NRXN3: variants seen among roughly 807,000 people sequenced by gnomAD.
NRXN3 encodes neurexin III.
Under a neutral mutation model 137.6 loss-of-function variants are expected in NRXN3, and 32 were observed. The ratio of observed to expected loss-of-function variants is 0.23; its 90% CI spans 0.18 to 0.31. The LOEUF (loss-of-function observed/expected upper bound fraction) is 0.31, where lower values mean the gene tolerates loss of function less well. Ranked by LOEUF, NRXN3 falls within the 10% of genes least tolerant of loss-of-function variation. The pLI, the probability that NRXN3 is intolerant of heterozygous loss-of-function variation, is 1.00. For missense variants in NRXN3, 1,574 were observed against 2,062.5 expected, an observed-to-expected ratio of 0.76 and a Z score of 4.59; for synonymous variants, 798 against 784.5, an observed-to-expected ratio of 1.02 and a Z score of -0.29.
At chr14:79,184,606 G>A (rs1334013130) in intron 15 of NRXN3, among the ~76,000 whole-genome samples, 1 of 152,162 alleles carries the variant, frequency 6.6e-6, no homozygotes, top group Non-Finnish European at 1.5e-5. Flanking sequence ...GAGCTTTCTG[G>A]AGGATGATAA....
intron 19 of NRXN3, among the ~76,000 whole-genome samples, chr14:79,789,008 T>C (rs2099137598): frequency 6.6e-6 from 1 of 152,174 alleles, no homozygotes; most frequent in African/African-American, 2.4e-5. Flanking sequence ...TAATAGTCAG[T>C]ATGTGGAGGC....
chr14:78,926,926 TA>T (rs1386879282), intron 10 of NRXN3, among the ~76,000 whole-genome samples: 2 of 35,348 alleles, frequency 5.7e-5, no homozygotes, highest in Non-Finnish European at 8.2e-5. Flanking sequence ...ATATAATATA[TA>T]ATATATTTAT....
intron 14 of NRXN3, among the ~76,000 whole-genome samples, chr14:78,977,590 G>A (rs978178404): frequency 1.3e-5 from 2 of 152,142 alleles, no homozygotes; most frequent in Admixed American, 1.3e-4. Context: ...AAAATAGGGT[G>A]GGTTGAGGAA....
intron 15 of NRXN3, among the ~76,000 whole-genome samples, chr14:79,121,878 T>G (rs1226168650): frequency 6.6e-6 from 1 of 152,230 alleles, no homozygotes; most frequent in Non-Finnish European, 1.5e-5. Context: ...CTAAAATTCA[T>G]GCATATTACA....
At chr14:78,476,746 T>C (rs2095386141) in intron 4 of NRXN3, among the ~76,000 whole-genome samples, 1 of 152,210 alleles carries the variant, frequency 6.6e-6, no homozygotes, top group Non-Finnish European at 1.5e-5. Flanking sequence ...GCAAGTGTTA[T>C]TATAATAAAA....
chr14:78,649,823 C>T (rs1159064617), intron 5 of NRXN3, among the ~76,000 whole-genome samples: 1 of 152,014 alleles, frequency 6.6e-6, no homozygotes. Context: ...ACTTCCTAGA[C>T]TCTTTCTTAC....
chr14:79,103,950 A>G (rs1294631906), intron 15 of NRXN3, among the ~76,000 whole-genome samples: 1 of 152,142 alleles, frequency 6.6e-6, no homozygotes, highest in Non-Finnish European at 1.5e-5. Context: ...CAATAGACAC[A>G]TGTTCATATG....
intron 15 of NRXN3, among the ~76,000 whole-genome samples, chr14:79,080,806 G>C (rs2046840424): frequency 1.3e-5 from 2 of 152,086 alleles, no homozygotes; most frequent in Admixed American, 1.3e-4. Flanking sequence ...CATGGTCTTT[G>C]TTTTGCCTCT....
chr14:78,435,457 C>T (rs2094030660), intron 4 of NRXN3, among the ~76,000 whole-genome samples: 1 of 152,146 alleles, frequency 6.6e-6, no homozygotes, highest in African/African-American at 2.4e-5. Context: ...AGCAGTATTG[C>T]TCTGCCTCCT....
At chr14:79,399,431 G>A (rs1336367510) in intron 15 of NRXN3, among the ~76,000 whole-genome samples, 1 of 152,122 alleles carries the variant, frequency 6.6e-6, no homozygotes, top group Non-Finnish European at 1.5e-5. Flanking sequence ...TTTTTACAGA[G>A]TGTGTATCAT....
rs542800976 is a variant in NRXN3 at position 79,476,589 on chromosome 14, A to G, written c.3444+9187A>G. On this transcript the variant is annotated intron_variant, in intron 16 of 20. Transcript: ENST00000335750. The stretch of plus-strand genomic sequence containing the variant: ...GTAAAATGGCAGGTAATTTAATGAC[A>G]TAGATTATTACTTCCTACATTTACT... Among the ~76,000 whole-genome samples, 25 of 152,248 alleles carry G rather than the reference A, an allele frequency of 1.6e-4. No individual in the cohort carries two copies. In the South Asian group the frequency reaches 5.0e-3, roughly 30 times the overall value.
chr14:79,536,206 T>A (rs999419075), intron 16 of NRXN3, among the ~76,000 whole-genome samples: 4 of 152,116 alleles, frequency 2.6e-5, no homozygotes, highest in African/African-American at 9.7e-5. Flanking sequence ...TTGGACTCTA[T>A]ATGGAAAGGG....
At chr14:79,765,110 G>A (rs917856323) in intron 19 of NRXN3, among the ~76,000 whole-genome samples, 4 of 152,038 alleles carry the variant, frequency 2.6e-5, no homozygotes, top group African/African-American at 9.7e-5. Flanking sequence ...ATTCTTTTTA[G>A]TGTTTCCATT....
At chr14:78,937,076 G>A (rs1475166290) in intron 10 of NRXN3, among the ~76,000 whole-genome samples, 1 of 151,472 alleles carries the variant, frequency 6.6e-6, no homozygotes, top group Admixed American at 6.6e-5. Flanking sequence ...CAAAAAATTA[G>A]CCAGGTGTGG....
intron 1 of NRXN3, among the ~76,000 whole-genome samples, chr14:78,178,386 A>T (rs529412342): frequency 6.6e-6 from 1 of 152,152 alleles, no homozygotes; most frequent in Non-Finnish European, 1.5e-5. Flanking sequence ...CTTAGGAGTA[A>T]TGCTGCTGGT....
chr14:78,206,637 T>C (rs1397392166), intron 1 of NRXN3, among the ~76,000 whole-genome samples: 3 of 152,162 alleles, frequency 2.0e-5, no homozygotes, highest in Non-Finnish European at 2.9e-5. Flanking sequence ...CTGGCAGGAC[T>C]ACCGCCTGCA....
chr14:78,432,907 A>C (rs1446472039), intron 4 of NRXN3, among the ~76,000 whole-genome samples: 1 of 152,212 alleles, frequency 6.6e-6, no homozygotes, highest in African/African-American at 2.4e-5. Flanking sequence ...CAGGGAAGAG[A>C]TCTAAGGGTT....
intron 19 of NRXN3, among the ~76,000 whole-genome samples, chr14:79,739,041 A>G (rs1235577150): frequency 4.6e-5 from 7 of 152,218 alleles, no homozygotes; most frequent in Non-Finnish European, 1.5e-5. Flanking sequence ...AGATCTGAAT[A>G]TGCAAATTGA....
chr14:78,628,281 G>T lies in NRXN3; in HGVS notation c.758-16839G>T, dbSNP rs145016329. Among the ~76,000 whole-genome samples the T allele has an allele frequency of 9.2e-5, 14 of 152,124 alleles. No homozygotes were observed. In the East Asian group the frequency reaches 2.7e-3, roughly 29 times the overall value. On this transcript the variant is annotated intron_variant, in intron 4 of 20. Coordinates refer to ENST00000335750, the MANE Select transcript of NRXN3 (RefSeq NM_001330195.2). ...AGAGATAGGGTCTCTTTGTTGCCCA[G>T]GCTGGTCTGGAACTCCTGGCTTCAA...
Sources: allele counts gnomAD v4.1 joint callset (sites outside exome capture counted in the v4.1 genomes callset), GRCh38; gene constraint gnomAD v4.1.1; transcripts MANE v1.5; gene names NCBI Gene and HGNC (gene_info 2026-07-23, HGNC 2026-07-21).